CHSY3: variants seen among roughly 807,000 people sequenced by gnomAD.
CHSY3 encodes chondroitin sulfate synthase 3, also known as N-acetylgalactosaminyl-proteoglycan 3-beta-glucuronosyltransferase 3.
Under a neutral mutation model 67.2 loss-of-function variants are expected in CHSY3, and 35 were observed. The ratio of observed to expected loss-of-function variants is 0.52; its 90% CI spans 0.40 to 0.69. CHSY3 has a LOEUF of 0.69. Among genes scored for constraint, CHSY3 ranks in the 30% least tolerant of loss-of-function variants. The pLI, the probability that CHSY3 is intolerant of heterozygous loss-of-function variation, is 0.00. For missense variants in CHSY3, 1,069 were observed against 1,138.5 expected (o/e 0.94, Z 0.88); for synonymous variants, 474 against 434.7 (o/e 1.09, Z -1.12).
At chr5:130,036,353 C>A (rs577499094) in intron 2 of CHSY3, among the ~76,000 whole-genome samples, 1 of 152,050 alleles carries the variant, frequency 6.6e-6, no homozygotes, top group Non-Finnish European at 1.5e-5. Context: ...ATATCTCTTC[C>A]ATAACTGTGC....
intron 2 of CHSY3, among the ~76,000 whole-genome samples, chr5:130,085,319 G>A (rs1258313197): frequency 2.0e-5 from 3 of 151,964 alleles, no homozygotes; most frequent in Admixed American, 6.6e-5. Context: ...GATTTCAAAA[G>A]CAGCCTTGAA....
intron 2 of CHSY3, among the ~76,000 whole-genome samples, chr5:130,027,615 T>C (rs1580663555): frequency 6.9e-6 from 1 of 144,436 alleles, no homozygotes; most frequent in Admixed American, 6.9e-5. Context: ...ATGTTTTCCC[T>C]CCCCCCTCCC....
chr5:129,905,054 GC>G lies in CHSY3; in HGVS notation c.227del (p.Pro76ArgfsTer102). The G allele has an allele frequency of 1.9e-6, 3 of 1,546,808 alleles. No homozygotes were observed. The highest frequency in any genetic ancestry group is 2.6e-6 in the Non-Finnish European group (3 of 1,152,760). On this transcript the variant is annotated frameshift_variant, in exon 1 of 3. Transcript: ENST00000305031. LOFTEE classifies it high-confidence loss of function. ...PQSRPRQEQS[P>X]PPARQDLQGP... ...AGTCCCGACCACGGCAGGAGCAGTC[GC>G]CGCCCCCCGCGCGCCAGGATCTCCA...
At chr5:130,000,099 T>C (rs1204059664) in intron 2 of CHSY3, among the ~76,000 whole-genome samples, 1 of 152,210 alleles carries the variant, frequency 6.6e-6, no homozygotes, top group Admixed American at 6.5e-5. Context: ...TTACCATATT[T>C]AAAGAACTCA....
At chr5:130,169,419 C>T (rs1769837656) in intron 2 of CHSY3, among the ~76,000 whole-genome samples, 1 of 152,052 alleles carries the variant, frequency 6.6e-6, no homozygotes, top group Non-Finnish European at 1.5e-5. Flanking sequence ...CATTTTACCT[C>T]CTTATACAGC....
chr5:130,064,916 C>G (rs1187111076), intron 2 of CHSY3, among the ~76,000 whole-genome samples: 1 of 152,128 alleles, frequency 6.6e-6, no homozygotes, highest in African/African-American at 2.4e-5. Context: ...AGGGGGAATA[C>G]TTTTATTGTG....
chr5:129,926,622 A>G (rs1034941765), intron 2 of CHSY3, among the ~76,000 whole-genome samples: 6 of 151,682 alleles, frequency 4.0e-5, no homozygotes, highest in Non-Finnish European at 7.4e-5. Flanking sequence ...TTTTTTTTAA[A>G]TAATCTTAAT....
chr5:130,100,328 G>C (rs1175332923), intron 2 of CHSY3, among the ~76,000 whole-genome samples: 1 of 151,084 alleles, frequency 6.6e-6, no homozygotes, highest in African/African-American at 2.4e-5. Context: ...GGGGCTACAG[G>C]TGCCCACCAC....
intron 2 of CHSY3, among the ~76,000 whole-genome samples, chr5:130,155,728 C>T (rs1031909181): frequency 5.9e-5 from 9 of 152,028 alleles, no homozygotes; most frequent in African/African-American, 2.2e-4. Flanking sequence ...CTAAGCTGGA[C>T]GAGTCGGTAA....
At chr5:130,017,317 G>A (rs187003946) in intron 2 of CHSY3, among the ~76,000 whole-genome samples, 1 of 152,030 alleles carries the variant, frequency 6.6e-6, no homozygotes. Flanking sequence ...TTGGAATCCT[G>A]CTGCTTTTTC....
chr5:130,093,790 A>G lies in CHSY3; in HGVS notation c.1087-90439A>G, dbSNP rs551553194. 1.6e-4 allele frequency among the ~76,000 whole-genome samples: 24 copies of G among 152,170 alleles called. No homozygotes were observed. In the South Asian group the frequency reaches 5.0e-3, roughly 32 times the overall value. On this transcript the variant is annotated intron_variant, in intron 2 of 2. Coordinates refer to ENST00000305031, the MANE Select transcript of CHSY3 (RefSeq NM_175856.5). Reference sequence around the variant, plus strand: ...TTTTCATCCTTTAATTTTTTTAGCCACTTATGGTAACCACCAGGAAGCTTG... The same window carrying G: ...TTTTCATCCTTTAATTTTTTTAGCCGCTTATGGTAACCACCAGGAAGCTTG...
At chr5:130,062,222 AAG>A (rs1387092738) in intron 2 of CHSY3, among the ~76,000 whole-genome samples, 1 of 152,150 alleles carries the variant, frequency 6.6e-6, no homozygotes, top group African/African-American at 2.4e-5. Flanking sequence ...CATTTTAATA[AAG>A]AGTGAAATAA....
Position 129,908,358 on chromosome 5 carries a change from G to A in CHSY3, c.1084G>A (p.Glu362Lys). 1 of 1,613,802 alleles carries A rather than the reference G, an allele frequency of 6.2e-7. No homozygotes were observed. Among genetic ancestry groups the A allele is most frequent in the Non-Finnish European group, 8.5e-7 (1 of 1,179,718 alleles). Residue 362 changes from glutamate (E) to lysine (K), a missense_variant and splice_region_variant, in exon 2 of 3, where the codon GAG becomes AAG. Coordinates refer to ENST00000305031, the MANE Select transcript of CHSY3 (RefSeq NM_175856.5). ...TGGGACTCAGTGTGTCTGGTCTTAC[G>A]AGGTAAGCATGGAGCTGTGATGAAA... The part of the protein sequence containing the change: ...FGGTQCVWSY[E>K]MQQLFHENYE...
intron 2 of CHSY3, among the ~76,000 whole-genome samples, chr5:130,129,091 T>C (rs1768396066): frequency 6.6e-6 from 1 of 152,174 alleles, no homozygotes; most frequent in Non-Finnish European, 1.5e-5. Context: ...GAAAGTCCTA[T>C]GTGCCAAGTT....
At chr5:129,956,829 G>A (rs1169168492) in intron 2 of CHSY3, among the ~76,000 whole-genome samples, 2 of 151,840 alleles carry the variant, frequency 1.3e-5, no homozygotes, top group African/African-American at 4.8e-5. Flanking sequence ...CTATGTGTTT[G>A]TTTTTGTACC....
chr5:130,184,638 T>C lies in CHSY3; in HGVS notation c.1496T>C (p.Val499Ala), dbSNP rs1475199630. ...SILRTALDDT[V>A]LQVMEMINEN... is the part of the protein sequence containing the mutation. ...TTAAGAACAGCACTGGATGATACCG[T>C]CCTACAGGTGATGGAGATGATCAAT... The change falls in exon 3 of 3, where the codon GTC becomes GCC. Residue 499 changes from valine to alanine, a missense_variant. This residue lies in a region of CHSY3 where 401 missense variants were observed against 395.2 expected (regional missense o/e 1.01). Transcript: ENST00000305031. 1 of 1,605,910 alleles carries C rather than the reference T, an allele frequency of 6.2e-7. No homozygotes were observed. The highest frequency in any genetic ancestry group is 1.7e-5 in the Admixed American group (1 of 59,974).
chr5:130,029,835 C>T (rs1369142823), intron 2 of CHSY3, among the ~76,000 whole-genome samples: 1 of 152,160 alleles, frequency 6.6e-6, no homozygotes, highest in Non-Finnish European at 1.5e-5. Flanking sequence ...TACCAACCCC[C>T]ATCCCCACTC....
intron 2 of CHSY3, chr5:130,001,534 G>T: frequency 2.2e-6 from 2 of 929,518 alleles, no homozygotes; most frequent in South Asian, 5.0e-5. Context: ...ACCAAGATAC[G>T]CAGGACCCCA....
chr5:130,125,740 GGT>G (rs1418348404), intron 2 of CHSY3, among the ~76,000 whole-genome samples: 3 of 152,130 alleles, frequency 2.0e-5, no homozygotes, highest in Non-Finnish European at 4.4e-5. Flanking sequence ...TTGACTTGAT[GGT>G]GGCAAAACCG....
Sources: gnomAD v4.1 joint callset for allele counts (sites outside exome capture counted in the v4.1 genomes callset) on GRCh38, gnomAD v4.1.1 for gene constraint, gnomAD v4.1.1 regional missense constraint, MANE v1.5 for transcripts, NCBI Gene and HGNC (gene_info 2026-07-23, HGNC 2026-07-21) for gene names.